ITGA9: variants seen among roughly 807,000 people sequenced by gnomAD.
ITGA9 encodes the protein integrin subunit alpha 9, also known as integrin alpha-9.
A neutral mutation model predicts 127.8 loss-of-function variants in ITGA9; 56 were observed. The observed-to-expected ratio is 0.44, with a 90% confidence interval of 0.35 to 0.55. The LOEUF (loss-of-function observed/expected upper bound fraction) is 0.55, where lower values mean the gene tolerates loss of function less well. ITGA9 is among the 20% of genes least tolerant of loss of function. The pLI is 0.00. For missense variants in ITGA9, 1,196 were observed against 1,347.1 expected (o/e 0.89, Z 1.76); for synonymous variants, 508 against 514.5 (o/e 0.99, Z 0.17).
rs1488172577 is a variant in ITGA9, at chr3:37,473,470, T to C, written c.420+10T>C. The C allele has an allele frequency of 1.9e-6, 3 of 1,601,702 alleles. No individual in the cohort carries two copies. In the Admixed American group the frequency reaches 5.0e-5, roughly 27 times the overall value. Reference sequence around the variant, plus strand: ...TGATGGCCGTGTGTTGGTAAGTCCCTCCTGGGGGTGCTGTGGGAAGGGGGT... The same window carrying C: ...TGATGGCCGTGTGTTGGTAAGTCCCCCCTGGGGGTGCTGTGGGAAGGGGGT... On this transcript the variant is annotated intron_variant, in intron 3 of 27. Coordinates refer to ENST00000264741, the MANE Select transcript of ITGA9 (RefSeq NM_002207.3).
intron 18 of ITGA9, among the ~76,000 whole-genome samples, chr3:37,714,530 C>G (rs532692662): frequency 6.6e-6 from 1 of 152,294 alleles, no homozygotes; most frequent in East Asian, 1.9e-4. Context: ...CAGGCTGATT[C>G]TTCCCCTCTC....
intron 15 of ITGA9, among the ~76,000 whole-genome samples, chr3:37,625,604 G>A (rs887839377): frequency 1.3e-5 from 2 of 152,156 alleles, no homozygotes; most frequent in Non-Finnish European, 2.9e-5. Context: ...TCAGTTTGTA[G>A]CGTTATTTTT....
rs183961249 is a variant in ITGA9, at chr3:37,620,802, C to A, written c.1690-8385C>A. 1.4e-3 allele frequency among the ~76,000 whole-genome samples: 212 copies of A among 152,338 alleles called. 2 individuals carry two copies. The highest frequency in any genetic ancestry group is 4.4e-5 in the Non-Finnish European group (3 of 68,032). ...TTCTTGACACTTGCACTTCTACCCA[C>A]TCTGGGTCAGAAGCTATTCTTCCCT... On this transcript the variant is annotated intron_variant, in intron 15 of 27. Transcript: ENST00000264741.
chr3:37,647,553 A>G (rs1409613441), intron 16 of ITGA9, among the ~76,000 whole-genome samples: 1 of 151,542 alleles, frequency 6.6e-6, no homozygotes, highest in African/African-American at 2.4e-5. Context: ...CACGCTATAC[A>G]TTCAATCTCT....
At chr3:37,614,177 A>C (rs1374192771) in intron 15 of ITGA9, among the ~76,000 whole-genome samples, 2 of 152,036 alleles carry the variant, frequency 1.3e-5, no homozygotes, top group African/African-American at 2.4e-5. Flanking sequence ...TCAGCTTTCT[A>C]CATATGGCTA....
At chr3:37,549,221 T>C (rs999805129) in intron 15 of ITGA9, among the ~76,000 whole-genome samples, 4 of 152,186 alleles carry the variant, frequency 2.6e-5, no homozygotes, top group African/African-American at 4.8e-5. Context: ...ATATCTCCGA[T>C]GAGCACTGTT....
At chr3:37,569,882 GATATTTCAA>G (rs1699584203) in intron 15 of ITGA9, among the ~76,000 whole-genome samples, 1 of 152,198 alleles carries the variant, frequency 6.6e-6, no homozygotes, top group Admixed American at 6.5e-5. Flanking sequence ...ATTATATGGA[GATATTTCAA>G]AATCTGAAAA....
intron 22 of ITGA9, chr3:37,748,309 G>A (rs1696532963): frequency 5.5e-6 from 3 of 550,252 alleles, no homozygotes; most frequent in Non-Finnish European, 1.0e-5. Context: ...AGTCTACGGT[G>A]TTACCCAGCA....
intron 6 of ITGA9, 102 bp downstream of exon 6, chr3:37,503,409 CT>C: frequency 7.6e-7 from 1 of 1,310,768 alleles, no homozygotes; most frequent in South Asian, 1.3e-5. Flanking sequence ...AGTTAGTTGG[CT>C]TTGACGCCTG....
chr3:37,630,090 A>G (rs1700216281), intron 16 of ITGA9, among the ~76,000 whole-genome samples: 1 of 152,232 alleles, frequency 6.6e-6, no homozygotes, highest in Non-Finnish European at 1.5e-5. Flanking sequence ...CCTCCTAGGC[A>G]GGGTTGGGGC....
At chr3:37,518,848 A>G (rs1347004827) in intron 10 of ITGA9, among the ~76,000 whole-genome samples, 1 of 131,766 alleles carries the variant, frequency 7.6e-6, no homozygotes, top group Non-Finnish European at 1.5e-5. Context: ...CCAGTGGCAC[A>G]ATCTCAGCTC....
chr3:37,719,927 G>A (rs769463857), intron 18 of ITGA9, among the ~76,000 whole-genome samples: 7 of 152,178 alleles, frequency 4.6e-5, no homozygotes, highest in Non-Finnish European at 7.4e-5. Context: ...AAATAACATG[G>A]GCAGTGTATA....
chr3:37,628,716 T>C (rs1021485651), intron 15 of ITGA9, among the ~76,000 whole-genome samples: 3 of 152,204 alleles, frequency 2.0e-5, no homozygotes, highest in Non-Finnish European at 4.4e-5. Flanking sequence ...TTGCCTCCGC[T>C]GATGTCTAAT....
chr3:37,609,044 G>C (rs1699994515), intron 15 of ITGA9, among the ~76,000 whole-genome samples: 1 of 152,150 alleles, frequency 6.6e-6, no homozygotes, highest in Non-Finnish European at 1.5e-5. Context: ...GTCATACTCT[G>C]ATCCTTCTTC....
intron 15 of ITGA9, among the ~76,000 whole-genome samples, chr3:37,599,816 T>C (rs1263044675): frequency 2.6e-5 from 4 of 152,254 alleles, no homozygotes. Flanking sequence ...ACATTTTATG[T>C]ATTTTGCATG....
chr3:37,694,499 C>A (rs1421516867), intron 18 of ITGA9, among the ~76,000 whole-genome samples: 2 of 152,216 alleles, frequency 1.3e-5, no homozygotes, highest in Admixed American at 1.3e-4. Flanking sequence ...CTTCAGTATT[C>A]CGCCGCGGGG....
intron 17 of ITGA9, among the ~76,000 whole-genome samples, chr3:37,664,065 C>T (rs768324084): frequency 2.6e-5 from 4 of 152,158 alleles, no homozygotes; most frequent in Non-Finnish European, 5.9e-5. Flanking sequence ...AGGTTACTTG[C>T]TCAAGGCTCA....
intron 26 of ITGA9, among the ~76,000 whole-genome samples, chr3:37,795,195 A>G (rs1246085290): frequency 6.6e-6 from 1 of 152,162 alleles, no homozygotes; most frequent in African/African-American, 2.4e-5. Context: ...CAGCTGGCCT[A>G]GGTCTGGAGT....
chr3:37,794,599 ATCCCTC>A (rs1697151060), intron 26 of ITGA9, among the ~76,000 whole-genome samples: 1 of 152,176 alleles, frequency 6.6e-6, no homozygotes, highest in Non-Finnish European at 1.5e-5. Context: ...AATGAGCTCC[ATCCCTC>A]TCTCTCTCAA....
Sources: allele counts gnomAD v4.1 joint callset (sites outside exome capture counted in the v4.1 genomes callset), GRCh38; gene constraint gnomAD v4.1.1; transcripts MANE v1.5; gene names NCBI Gene and HGNC (gene_info 2026-07-23, HGNC 2026-07-21).